The following PCDHGB5 variants were observed in gnomAD, a reference collection of about 807,000 sequenced individuals.
PCDHGB5 encodes protocadherin gamma subfamily B, 5, also known as protocadherin gamma-B5.
A neutral mutation model predicts 62.9 loss-of-function variants in PCDHGB5; 48 were observed. The ratio of observed to expected loss-of-function variants is 0.76; its 90% CI spans 0.61 to 0.97. PCDHGB5 has a LOEUF of 0.97. PCDHGB5 is among the 50% of genes least tolerant of loss of function. The pLI is 0.00. For missense variants in PCDHGB5, 1,118 were observed against 1,198.6 expected, an observed-to-expected ratio of 0.93 and a Z score of 0.99; for synonymous variants, 474 against 511.2, an observed-to-expected ratio of 0.93 and a Z score of 0.98.
Position 141,432,587 on chromosome 5 carries a change from A to C in PCDHGB5, c.2397+32063A>C. ...CGCCTGGCTGTCCTACCGTCTGCTC[A>C]AGGCCAGCGAGCCGGGACTCTTCTC... On this transcript the variant is annotated intron_variant, in intron 1 of 3. Transcript: ENST00000617380. This position sits in a 1 kb window ranked among gnomAD's most constrained non-coding sequence, Gnocchi z 6.0. 1.9e-6 allele frequency: 3 copies of C among 1,613,250 alleles called. No individual in the cohort carries two copies. Among genetic ancestry groups the C allele is most frequent in the Non-Finnish European group, 2.5e-6 (3 of 1,179,918 alleles).
intron 1 of PCDHGB5, chr5:141,428,075 A>G (rs1427780901): frequency 5.0e-6 from 8 of 1,609,154 alleles, no homozygotes; most frequent in Non-Finnish European, 4.2e-6. Context: ...CAGATTCGGG[A>G]CACAACGCTT....
At chr5:141,473,470 A>G (rs555568617) in intron 1 of PCDHGB5, among the ~76,000 whole-genome samples, 2 of 151,816 alleles carry the variant, frequency 1.3e-5, no homozygotes, top group South Asian at 4.2e-4. Flanking sequence ...AGTTGTGCCA[A>G]GTTCAATGGA....
At chr5:141,409,870 T>A (rs980871481) in intron 1 of PCDHGB5, 2 of 1,612,670 alleles carry the variant, frequency 1.2e-6, no homozygotes, top group Admixed American at 1.7e-5. Context: ...GAGACCGCAA[T>A]GACAACGCAC....
rs201424832 is a variant in PCDHGB5 at position 141,490,802 on chromosome 5, C to T, written c.2398-4005C>T. On this transcript the variant is annotated intron_variant, in intron 1 of 3. Transcript: ENST00000617380. This position sits in a 1 kb window ranked among gnomAD's most constrained non-coding sequence, Gnocchi z 5.4. Reference sequence around the variant, plus strand: ...GATGGACGGATCTTTGCCCAGCGTACCTTTGACTATGAATTGCTGCAGATG... The same window carrying T: ...GATGGACGGATCTTTGCCCAGCGTATCTTTGACTATGAATTGCTGCAGATG... 1 of 1,613,944 alleles carries T rather than the reference C, an allele frequency of 6.2e-7. No homozygotes were observed. Among genetic ancestry groups the T allele is most frequent in the East Asian group, 2.2e-5 (1 of 44,886 alleles).
At position 141,399,661 on chromosome 5, in the gene PCDHGB5, G is replaced by T. The variant is rs1021211609; in HGVS notation, c.1534G>T (p.Ala512Ser). The T allele has an allele frequency of 6.8e-6, 11 of 1,613,526 alleles. No individual in the cohort carries two copies. Among genetic ancestry groups the T allele is most frequent in the Non-Finnish European group, 9.3e-6 (11 of 1,179,892 alleles). ...SMSAQSGVVF[A>S]QRAFDYEQLR... ...GAGCGCGCAAAGTGGGGTGGTGTTC[G>T]CGCAGCGCGCCTTTGACTACGAGCA... The change falls in exon 1 of 4, where the codon GCG becomes TCG. Residue 512 changes from alanine to serine, a missense_variant. Around this residue, in one of 2 missense-constraint regions of PCDHGB5, gnomAD observed 1,034 missense variants for 1,029.1 expected, o/e 1.00. Transcript: ENST00000617380.
chr5:141,421,040 C>T (rs2096541229), intron 1 of PCDHGB5: 1 of 545,472 alleles, frequency 1.8e-6, no homozygotes, highest in East Asian at 3.1e-5. Context: ...GTCCCTCCCT[C>T]CCCCGCCTCT....
intron 1 of PCDHGB5, among the ~76,000 whole-genome samples, chr5:141,406,372 T>C (rs1010742441): frequency 1.3e-5 from 2 of 152,204 alleles, no homozygotes; most frequent in African/African-American, 4.8e-5. Flanking sequence ...AAGGGTAAAC[T>C]GATAAAAAGG....
At chr5:141,414,360 A>G (rs1177384414) in intron 1 of PCDHGB5, 1 of 1,613,800 alleles carries the variant, frequency 6.2e-7, no homozygotes, top group Non-Finnish European at 8.5e-7. Context: ...CGTATCTACC[A>G]TTTAAATTAG....
intron 1 of PCDHGB5, chr5:141,421,172 G>A: frequency 7.3e-7 from 1 of 1,366,164 alleles, no homozygotes; most frequent in Non-Finnish European, 9.8e-7. Context: ...AGATACATAA[G>A]CCGATTCACA....
At chr5:141,500,546 G>A (rs1428503967) in intron 2 of PCDHGB5, among the ~76,000 whole-genome samples, 1 of 152,126 alleles carries the variant, frequency 6.6e-6, no homozygotes, top group African/African-American at 2.4e-5. Context: ...ACCTAAATAA[G>A]TTGTTCACAA....
At chr5:141,508,835 C>T (rs1190105775) in intron 3 of PCDHGB5, among the ~76,000 whole-genome samples, 12 of 152,158 alleles carry the variant, frequency 7.9e-5, no homozygotes, top group African/African-American at 2.9e-4. Flanking sequence ...CCCCCCTCCC[C>T]TACCCCTTCC....
At chr5:141,445,895 A>C (rs930350527) in intron 1 of PCDHGB5, among the ~76,000 whole-genome samples, 1 of 152,212 alleles carries the variant, frequency 6.6e-6, no homozygotes, top group Admixed American at 6.5e-5. Context: ...GGAGCTATTA[A>C]AATATTTTAA....
chr5:141,436,309 T>C (rs1228417864), intron 1 of PCDHGB5, among the ~76,000 whole-genome samples: 1 of 152,198 alleles, frequency 6.6e-6, no homozygotes, highest in Non-Finnish European at 1.5e-5. Flanking sequence ...AGAGCATGAA[T>C]AGTCAAGACT....
At chr5:141,402,392 C>A (rs1271100750) in intron 1 of PCDHGB5, among the ~76,000 whole-genome samples, 1 of 151,714 alleles carries the variant, frequency 6.6e-6, no homozygotes, top group African/African-American at 2.4e-5. Flanking sequence ...AAAATTACTT[C>A]AGAAAATTGT....
At chr5:141,482,901 A>G (rs192886570) in intron 1 of PCDHGB5, among the ~76,000 whole-genome samples, 1 of 152,122 alleles carries the variant, frequency 6.6e-6, no homozygotes, top group Admixed American at 6.6e-5. Context: ...GTGAAACCTC[A>G]TCTCTATTAA....
intron 1 of PCDHGB5, chr5:141,427,864 A>G: frequency 6.4e-7 from 1 of 1,557,574 alleles, no homozygotes; most frequent in Non-Finnish European, 8.8e-7. Flanking sequence ...TGCGCCTTCG[A>G]GCTCACGATG....
At position 141,432,436 on chromosome 5, in the gene PCDHGB5, G is replaced by C; in HGVS notation, c.2397+31912G>C. ...TCGTGCTGGACCAGAACGACAATGC[G>C]CCCGAGATCCTGTACCCCGCCCTCC... On this transcript the variant is annotated intron_variant, in intron 1 of 3. Transcript: ENST00000617380. This position sits in a 1 kb window ranked among gnomAD's most constrained non-coding sequence, Gnocchi z 6.0. 1 of 1,614,196 alleles carries C rather than the reference G, an allele frequency of 6.2e-7. No individual in the cohort carries two copies. Among genetic ancestry groups the C allele is most frequent in the Middle Eastern group, 1.6e-4 (1 of 6,062 alleles).
At chr5:141,492,382 T>C (rs71583650) in intron 1 of PCDHGB5, among the ~76,000 whole-genome samples, 2,103 of 152,322 alleles carry the variant, frequency 0.014, 36 homozygotes, top group African/African-American at 0.031. Flanking sequence ...ACAGGCCTGT[T>C]CCGGTCCACT....
At chr5:141,419,934 T>C (rs1427601115) in intron 1 of PCDHGB5, 3 of 1,613,952 alleles carry the variant, frequency 1.9e-6, no homozygotes, top group Non-Finnish European at 2.5e-6. Flanking sequence ...CAGTTTTACC[T>C]GGTGGTGGCC....
Sources: gnomAD v4.1 joint callset for allele counts (sites outside exome capture counted in the v4.1 genomes callset) on GRCh38, gnomAD v4.1.1 for gene constraint, gnomAD v4.1.1 regional missense constraint, Gnocchi (gnomAD v3.1) non-coding constraint, MANE v1.5 for transcripts, NCBI Gene and HGNC (gene_info 2026-07-23, HGNC 2026-07-21) for gene names.